Variants in PLD5 observed in about 807,000 individuals in gnomAD.
The protein encoded by PLD5 is phospholipase D family member 5.
In PLD5, 36 loss-of-function variants were observed where a neutral mutation model predicts 61.1. The observed-to-expected ratio is 0.59, with a 90% CI of 0.45 to 0.78. PLD5 has a LOEUF of 0.78. Ranked by LOEUF, PLD5 falls within the 30% of genes least tolerant of loss-of-function variation. The probability of loss-of-function intolerance (pLI) is 0.00; values close to 1 mark genes in which losing one functional copy is unlikely to be tolerated. For missense variants in PLD5, 515 were observed against 644.4 expected, an observed-to-expected ratio of 0.80 and a Z score of 2.17; for synonymous variants, 243 against 242.8, an observed-to-expected ratio of 1.00 and a Z score of -0.01.
chr1:242,254,674 AACCACCACC>A (rs575280649), intron 4 of PLD5, among the ~76,000 whole-genome samples: 1 of 151,978 alleles, frequency 6.6e-6, no homozygotes, highest in Non-Finnish European at 1.5e-5. Flanking sequence ...CGTCTCAAAC[AACCACCACC>A]ACCACCACCA....
In PLD5 at chr1:242,402,280, AG is replaced by A. The variant is rs1452169805; in HGVS notation, c.190-54039del. ...CACTTCCACCAGAAAAAATAGAACA[AG>A]TAAGACACTTTTTATTTTTTTGCAT... is the stretch of plus-strand genomic sequence containing the variant. On this transcript the variant is annotated intron_variant, in intron 1 of 9. Transcript: ENST00000536534. Among the ~76,000 whole-genome samples the A allele has an allele frequency of 2.0e-5, 3 of 151,330 alleles. No homozygotes were observed. The East Asian group carries it at 5.8e-4, about 29-fold the overall frequency.
At chr1:242,142,944 C>T (rs1664284214) in intron 5 of PLD5, among the ~76,000 whole-genome samples, 1 of 151,890 alleles carries the variant, frequency 6.6e-6, no homozygotes, top group Non-Finnish European at 1.5e-5. Context: ...TCTTGAACTC[C>T]TGACCTCAAG....
At chr1:242,261,249 G>A (rs1307612153) in intron 4 of PLD5, among the ~76,000 whole-genome samples, 2 of 152,186 alleles carry the variant, frequency 1.3e-5, no homozygotes, top group African/African-American at 4.8e-5. Context: ...TTTTAACAAT[G>A]ATGCCTCGAA....
At chr1:242,516,192 C>A (rs377251724) in intron 1 of PLD5, among the ~76,000 whole-genome samples, 1 of 149,834 alleles carries the variant, frequency 6.7e-6, no homozygotes, top group Non-Finnish European at 1.5e-5. Flanking sequence ...CTTTACATAT[C>A]CTGGATTAAA....
At chr1:242,461,595 G>C (rs763310363) in intron 1 of PLD5, among the ~76,000 whole-genome samples, 1 of 151,986 alleles carries the variant, frequency 6.6e-6, no homozygotes, top group Non-Finnish European at 1.5e-5. Context: ...ATCTTCCTTC[G>C]GGTATATACC....
intron 4 of PLD5, among the ~76,000 whole-genome samples, chr1:242,225,778 G>A (rs1259270102): frequency 1.3e-5 from 2 of 152,236 alleles, no homozygotes; most frequent in Non-Finnish European, 2.9e-5. Flanking sequence ...CCATTCTCCA[G>A]TTGAGAAACA....
At chr1:242,405,890 C>A (rs1224476372) in intron 1 of PLD5, among the ~76,000 whole-genome samples, 1 of 151,456 alleles carries the variant, frequency 6.6e-6, no homozygotes, top group Non-Finnish European at 1.5e-5. Flanking sequence ...GTGTGAGCCA[C>A]TGAGCCTGGC....
intron 7 of PLD5, among the ~76,000 whole-genome samples, chr1:242,111,471 T>C (rs1183279314): frequency 6.6e-6 from 1 of 152,212 alleles, no homozygotes; most frequent in Non-Finnish European, 1.5e-5. Context: ...TAATAGTGTC[T>C]GTTTTTTTTT....
At chr1:242,517,419 T>C (rs1314978684) in intron 1 of PLD5, among the ~76,000 whole-genome samples, 2 of 152,240 alleles carry the variant, frequency 1.3e-5, no homozygotes, top group Non-Finnish European at 2.9e-5. Context: ...TCAAATCCTT[T>C]TTCTTCCTCT....
intron 5 of PLD5, among the ~76,000 whole-genome samples, chr1:242,212,365 C>T (rs182770815): frequency 3.3e-5 from 5 of 152,170 alleles, no homozygotes; most frequent in Admixed American, 6.5e-5. Context: ...TTTCTTTTAA[C>T]GCTTATTTAA....
At chr1:242,227,049 T>A (rs1670997718) in intron 4 of PLD5, among the ~76,000 whole-genome samples, 1 of 152,200 alleles carries the variant, frequency 6.6e-6, no homozygotes, top group Non-Finnish European at 1.5e-5. Context: ...AAGGAGTATA[T>A]TCTTGAGAGC....
At chr1:242,116,537 CAAT>C (rs1279424821) in intron 6 of PLD5, among the ~76,000 whole-genome samples, 7 of 152,136 alleles carry the variant, frequency 4.6e-5, no homozygotes, top group African/African-American at 1.7e-4. Context: ...GAATAGTACT[CAAT>C]AGTTTATCCA....
At chr1:242,456,858 CAA>C (rs1246442953) in intron 1 of PLD5, among the ~76,000 whole-genome samples, 1 of 152,154 alleles carries the variant, frequency 6.6e-6, no homozygotes, top group African/African-American at 2.4e-5. Flanking sequence ...TTCAGGTTAC[CAA>C]AATCCCCGCC....
At chr1:242,345,891 C>T (rs1418431) in intron 2 of PLD5, among the ~76,000 whole-genome samples, 144,098 of 151,568 alleles carry the variant, frequency 0.95, 68,760 homozygotes, top group Non-Finnish European at 0.99. Flanking sequence ...GATACCAGTT[C>T]CAGGACAGAC....
intron 2 of PLD5, among the ~76,000 whole-genome samples, chr1:242,308,573 A>G (rs1014083810): frequency 1.3e-5 from 2 of 152,188 alleles, no homozygotes; most frequent in Non-Finnish European, 2.9e-5. Flanking sequence ...ATATGCATAT[A>G]TACATATACT....
At chr1:242,513,469 A>G (rs1669002100) in intron 1 of PLD5, among the ~76,000 whole-genome samples, 1 of 152,208 alleles carries the variant, frequency 6.6e-6, no homozygotes, top group African/African-American at 2.4e-5. Flanking sequence ...GTTAAGGGTT[A>G]TAATATGCTG....
intron 3 of PLD5, among the ~76,000 whole-genome samples, chr1:242,266,977 C>T (rs1437501073): frequency 6.6e-6 from 1 of 151,894 alleles, no homozygotes; most frequent in Non-Finnish European, 1.5e-5. Flanking sequence ...ATCAGCTGGG[C>T]ATGGTGGTGG....
intron 2 of PLD5, among the ~76,000 whole-genome samples, chr1:242,323,324 T>C (rs185286365): frequency 6.6e-6 from 1 of 152,312 alleles, no homozygotes; most frequent in East Asian, 1.9e-4. Flanking sequence ...GGGTGATTTA[T>C]ATCCTCAGTT....
intron 2 of PLD5, among the ~76,000 whole-genome samples, chr1:242,319,066 G>A (rs1474995215): frequency 2.0e-5 from 3 of 152,098 alleles, no homozygotes; most frequent in Admixed American, 6.5e-5. Context: ...AGCCCTCCTC[G>A]AACATGGGGG....
Sources: allele counts gnomAD v4.1 joint callset (sites outside exome capture counted in the v4.1 genomes callset), GRCh38; gene constraint gnomAD v4.1.1; transcripts MANE v1.5; gene names NCBI Gene and HGNC (gene_info 2026-07-23, HGNC 2026-07-21).